The following BTAF1 variants were observed in gnomAD, a reference collection of about 807,000 sequenced individuals.
BTAF1 encodes B-TFIID TATA-box binding protein associated factor 1, also known as TATA-binding protein-associated factor 172.
In BTAF1, 38 loss-of-function variants were observed where a neutral mutation model predicts 227.1. That is an observed-to-expected ratio of 0.17 (90% CI 0.13 to 0.22). BTAF1 has a LOEUF of 0.22. BTAF1 is among the 10% of genes least tolerant of loss of function. The probability of loss-of-function intolerance (pLI) is 1.00; values close to 1 mark genes in which losing one functional copy is unlikely to be tolerated. For synonymous variants in BTAF1, 742 were observed against 751.9 expected (o/e 0.99, Z 0.21); for missense variants, 1,598 against 2,204.0 (o/e 0.73, Z 5.51).
intron 25 of BTAF1, among the ~76,000 whole-genome samples, chr10:92,004,641 T>C (rs1204777190): frequency 6.6e-6 from 1 of 152,064 alleles, no homozygotes. Flanking sequence ...CTAACTTTAT[T>C]TATTTTGTGT....
At chr10:91,937,040 G>A (rs1844662255) in intron 2 of BTAF1, among the ~76,000 whole-genome samples, 1 of 151,162 alleles carries the variant, frequency 6.6e-6, no homozygotes, top group Non-Finnish European at 1.5e-5. Flanking sequence ...ACAGTCTCAG[G>A]CTGGAGTGCA....
At chr10:91,979,199 A>C (rs1435557858) in intron 14 of BTAF1, among the ~76,000 whole-genome samples, 1 of 152,010 alleles carries the variant, frequency 6.6e-6, no homozygotes, top group Non-Finnish European at 1.5e-5. Flanking sequence ...TGTGTACCAC[A>C]TTTTCTTTAT....
intron 23 of BTAF1, among the ~76,000 whole-genome samples, chr10:91,994,862 G>A (rs1849030087): frequency 6.6e-6 from 1 of 152,192 alleles, no homozygotes; most frequent in African/African-American, 2.4e-5. Context: ...CAACCTGGAA[G>A]CTTAGAATGT....
At chr10:92,002,898 G>A (rs1372515592) in intron 25 of BTAF1, among the ~76,000 whole-genome samples, 1 of 151,972 alleles carries the variant, frequency 6.6e-6, no homozygotes, top group South Asian at 2.1e-4. Flanking sequence ...GGTGGCTCAC[G>A]CCTGTAATCC....
At chr10:91,967,243 A>C (rs926577046) in intron 14 of BTAF1, among the ~76,000 whole-genome samples, 15 of 152,192 alleles carry the variant, frequency 9.9e-5, no homozygotes, top group Non-Finnish European at 1.9e-4. Flanking sequence ...AGGATAGTAT[A>C]CTTCAGGAGT....
intron 33 of BTAF1, among the ~76,000 whole-genome samples, chr10:92,018,130 A>T (rs1286462703): frequency 2.6e-5 from 4 of 151,904 alleles, no homozygotes; most frequent in Non-Finnish European, 5.9e-5. Flanking sequence ...GTCACCCAGG[A>T]TGGAGTGCAG....
chr10:91,973,076 C>T (rs1847418419), intron 14 of BTAF1, among the ~76,000 whole-genome samples: 1 of 152,198 alleles, frequency 6.6e-6, no homozygotes, highest in African/African-American at 2.4e-5. Context: ...TTTTTCTGAG[C>T]TGCTTCCTTG....
chr10:91,959,994 G>A lies in BTAF1; in HGVS notation c.1103G>A (p.Arg368His). ...FVSDEVVAPVRETCAQTLGVV... is the reference protein window; with the variant it reads ...FVSDEVVAPVHETCAQTLGVV... Reference sequence around the variant, plus strand: ...CGTCTGTAGGTTGTGGCACCAGTTCGTGAAACTTGTGCTCAAACATTAGGT... The same window carrying A: ...CGTCTGTAGGTTGTGGCACCAGTTCATGAAACTTGTGCTCAAACATTAGGT... The change falls in exon 11 of 38, where the codon CGT becomes CAT. Residue 368 changes from arginine to histidine, a missense_variant. Physicochemically the swap from Arg to His is conservative, Grantham distance 29. Coordinates refer to ENST00000265990, the MANE Select transcript of BTAF1 (RefSeq NM_003972.3). 2.5e-6 allele frequency: 4 copies of A among 1,609,164 alleles called. No individual in the cohort carries two copies. The highest frequency in any genetic ancestry group is 1.1e-5 in the South Asian group (1 of 89,988).
intron 28 of BTAF1, 70 bp from the exon 29 acceptor site, chr10:92,011,003 T>G: frequency 8.7e-7 from 1 of 1,149,530 alleles, no homozygotes; most frequent in Non-Finnish European, 1.3e-6. Context: ...GAAAGCACTT[T>G]ATACAAATGG....
At chr10:91,925,678 G>GT (rs1843778706) in intron 1 of BTAF1, among the ~76,000 whole-genome samples, 1 of 151,878 alleles carries the variant, frequency 6.6e-6, no homozygotes, top group Non-Finnish European at 1.5e-5. Flanking sequence ...CACCTGGCTA[G>GT]TTTTTTGTAT....
At chr10:92,001,766 C>T (rs1849545361) in intron 25 of BTAF1, among the ~76,000 whole-genome samples, 2 of 151,744 alleles carry the variant, frequency 1.3e-5, no homozygotes, top group Non-Finnish European at 2.9e-5. Context: ...GGGGAAAATA[C>T]AGTCAACAGA....
chr10:91,953,775 A>T lies in BTAF1; in HGVS notation c.603A>T (p.Arg201=). Residue 201 remains arginine, a synonymous_variant, in exon 6 of 38, where the codon CGA becomes CGT. Transcript: ENST00000265990. ...QAAELIDSEF[R]AGMSNRQKNK... Reference sequence around the variant, plus strand: ...CTGAATTGATTGACTCAGAGTTTCGAGCAGGAATGAGCAATAGACAAAAGA... The same window carrying T: ...CTGAATTGATTGACTCAGAGTTTCGTGCAGGAATGAGCAATAGACAAAAGA... 1 of 1,614,062 alleles carries T rather than the reference A, an allele frequency of 6.2e-7. No homozygotes were observed. Among genetic ancestry groups the T allele is most frequent in the Non-Finnish European group, 8.5e-7 (1 of 1,179,956 alleles).
intron 21 of BTAF1, 48 bp downstream of exon 21, chr10:91,992,357 T>C (rs528158341): frequency 3.3e-5 from 48 of 1,471,416 alleles, no homozygotes; most frequent in Admixed American, 3.0e-4. Context: ...TAAACAAATA[T>C]CTGACTTACA....
intron 32 of BTAF1, 38 bp from the exon 33 acceptor site, chr10:92,016,302 A>G (rs376961765): frequency 1.9e-6 from 3 of 1,562,870 alleles, no homozygotes; most frequent in African/African-American, 1.4e-5. Context: ...TTGAAAATAA[A>G]TATACTTAAA....
chr10:91,987,102 CA>C (rs929767910), intron 19 of BTAF1, among the ~76,000 whole-genome samples: 5 of 125,054 alleles, frequency 4.0e-5, no homozygotes, highest in African/African-American at 1.5e-4. Context: ...CTGAACACAA[CA>C]AAAACTGGCT....
chr10:91,985,825 A>T (rs1396780477), intron 19 of BTAF1, among the ~76,000 whole-genome samples: 1 of 152,010 alleles, frequency 6.6e-6, no homozygotes, highest in Admixed American at 6.6e-5. Flanking sequence ...TTTGTTATTG[A>T]GTTGTGGGAG....
intron 14 of BTAF1, among the ~76,000 whole-genome samples, chr10:91,969,476 TATAGC>T (rs1847143715): frequency 6.6e-6 from 1 of 152,182 alleles, no homozygotes; most frequent in South Asian, 2.1e-4. Context: ...TACTGTTTAT[TATAGC>T]ATACTGTGGG....
At chr10:91,972,107 G>C (rs1313237883) in intron 14 of BTAF1, among the ~76,000 whole-genome samples, 1 of 152,132 alleles carries the variant, frequency 6.6e-6, no homozygotes, top group Non-Finnish European at 1.5e-5. Flanking sequence ...AAGAATTTAA[G>C]TTTCAGAAGG....
chr10:91,944,934 T>C (rs1845257179), intron 4 of BTAF1, among the ~76,000 whole-genome samples: 1 of 152,236 alleles, frequency 6.6e-6, no homozygotes, highest in Non-Finnish European at 1.5e-5. Flanking sequence ...TACTTACCAT[T>C]GCGTTACAGT....
Sources: gnomAD v4.1 joint callset for allele counts (sites outside exome capture counted in the v4.1 genomes callset) on GRCh38, gnomAD v4.1.1 for gene constraint, MANE v1.5 for transcripts, NCBI Gene and HGNC (gene_info 2026-07-23, HGNC 2026-07-21) for gene names.